ENTREP2: variants seen among roughly 807,000 people sequenced by gnomAD.
ENTREP2 encodes endosomal transmembrane epsin interactor 2, also known as protein ENTREP2.
chr15:29,339,685 C>T, the ENTREP2 span, among the ~76,000 whole-genome samples: 2 of 152,192 alleles, frequency 1.3e-5, no homozygotes, highest in Non-Finnish European at 2.9e-5. Flanking sequence ...GTTTGACTTG[C>T]GAGAAAGATG....
At chr15:29,232,092 T>C in the ENTREP2 span, among the ~76,000 whole-genome samples, 3 of 152,110 alleles carry the variant, frequency 2.0e-5, no homozygotes, top group East Asian at 1.9e-4. Context: ...GGTTTCGCCA[T>C]GTTGTCCAGG....
chr15:29,612,271 A>G, the ENTREP2 span, among the ~76,000 whole-genome samples: 1 of 152,130 alleles, frequency 6.6e-6, no homozygotes, highest in African/African-American at 2.4e-5. Flanking sequence ...TGGGTTCCTC[A>G]GCTCTAATGA....
the ENTREP2 span, among the ~76,000 whole-genome samples, chr15:29,298,492 T>C: frequency 2.1e-3 from 321 of 152,216 alleles, no homozygotes; most frequent in African/African-American, 7.1e-3. Context: ...GAAAGCAAAC[T>C]GCAGGCATAG....
chr15:29,263,959 CCTGG>C, the ENTREP2 span, among the ~76,000 whole-genome samples: 1 of 151,956 alleles, frequency 6.6e-6, no homozygotes, highest in South Asian at 2.1e-4. Context: ...TTGAGACCAT[CCTGG>C]CTAACACGGT....
chr15:29,197,396 G>C, the ENTREP2 span, among the ~76,000 whole-genome samples: 1 of 152,156 alleles, frequency 6.6e-6, no homozygotes, highest in Non-Finnish European at 1.5e-5. Context: ...AGACCAGCCT[G>C]GCTGGGTAAC....
At chr15:29,204,160 G>T in the ENTREP2 span, among the ~76,000 whole-genome samples, 1 of 152,194 alleles carries the variant, frequency 6.6e-6, no homozygotes, top group Non-Finnish European at 1.5e-5. Flanking sequence ...ACCCCTCAGT[G>T]TTCGGGTCAT....
At chr15:29,644,270 C>T in the ENTREP2 span, among the ~76,000 whole-genome samples, 3 of 152,090 alleles carry the variant, frequency 2.0e-5, no homozygotes, top group Non-Finnish European at 2.9e-5. Flanking sequence ...TACCGGTTGC[C>T]AAGGGCTGAT....
chr15:29,170,036 G>A, the ENTREP2 span, among the ~76,000 whole-genome samples: 86 of 152,144 alleles, frequency 5.7e-4, 1 homozygote, highest in East Asian at 2.5e-3. Context: ...GGCCGGGTGC[G>A]GTGGCTCATG....
chr15:29,554,816 C>T, the ENTREP2 span, among the ~76,000 whole-genome samples: 4 of 152,100 alleles, frequency 2.6e-5, no homozygotes, highest in Non-Finnish European at 5.9e-5. Context: ...TTTGAAAAAT[C>T]TATTTCCATC....
chr15:29,363,530 G>A, the ENTREP2 span, among the ~76,000 whole-genome samples: 7 of 152,116 alleles, frequency 4.6e-5, no homozygotes, highest in South Asian at 2.1e-4. Context: ...TATATGCAGC[G>A]TAAGATTTTA....
chr15:29,224,309 C>G, the ENTREP2 span, among the ~76,000 whole-genome samples: 6 of 152,088 alleles, frequency 3.9e-5, no homozygotes, highest in Admixed American at 1.3e-4. Context: ...GTGATAAAGG[C>G]AGTTTGGACC....
chr15:29,552,479 G>C, the ENTREP2 span, among the ~76,000 whole-genome samples: 1 of 152,024 alleles, frequency 6.6e-6, no homozygotes, highest in Non-Finnish European at 1.5e-5. Context: ...TACACCTGTA[G>C]TCCCAGCTAT....
the ENTREP2 span, among the ~76,000 whole-genome samples, chr15:29,226,132 G>A: frequency 1.9e-4 from 29 of 152,296 alleles, no homozygotes; most frequent in African/African-American, 6.3e-4. Flanking sequence ...GCCGGACACG[G>A]GGCGCTCCCT....
the ENTREP2 span, among the ~76,000 whole-genome samples, chr15:29,157,514 A>G: frequency 6.6e-6 from 1 of 152,336 alleles, no homozygotes; most frequent in Middle Eastern, 3.4e-3. Flanking sequence ...CCATGTGCGC[A>G]GTAGCTGGCT....
chr15:29,524,424 C>T, the ENTREP2 span, among the ~76,000 whole-genome samples: 2 of 152,160 alleles, frequency 1.3e-5, no homozygotes, highest in African/African-American at 4.8e-5. Flanking sequence ...GGTAATGTTA[C>T]GGGCAGGTCT....
chr15:29,207,461 G>A, the ENTREP2 span, among the ~76,000 whole-genome samples: 1 of 150,734 alleles, frequency 6.6e-6, no homozygotes, highest in East Asian at 2.0e-4. Context: ...GGGGCGGGGG[G>A]GGTGGCCAGC....
At chr15:29,146,730 G>C in the ENTREP2 span, among the ~76,000 whole-genome samples, 9 of 152,176 alleles carry the variant, frequency 5.9e-5, no homozygotes, top group African/African-American at 2.2e-4. Flanking sequence ...AAGGTCAGGA[G>C]TTTGAGACCA....
chr15:29,269,350 T>C, the ENTREP2 span: 6 of 1,614,080 alleles, frequency 3.7e-6, no homozygotes, highest in Non-Finnish European at 4.2e-6. Flanking sequence ...GATGTCCTTG[T>C]AGTCCCCGAT....
the ENTREP2 span, among the ~76,000 whole-genome samples, chr15:29,674,134 G>GA: frequency 6.7e-6 from 1 of 149,706 alleles, no homozygotes; most frequent in Non-Finnish European, 1.5e-5. Context: ...AGGATGGGGG[G>GA]GGGGGGGGGC....
Sources: allele counts gnomAD v4.1 joint callset (sites outside exome capture counted in the v4.1 genomes callset), GRCh38; gene constraint gnomAD v4.1.1; transcripts MANE v1.5; gene names NCBI Gene and HGNC (gene_info 2026-07-23, HGNC 2026-07-21).